The following RABGAP1L variants were observed in gnomAD, a reference collection of about 807,000 sequenced individuals.
The protein encoded by RABGAP1L is RAB GTPase activating protein 1 like, also known as rab GTPase-activating protein 1-like.
In RABGAP1L, 63 loss-of-function variants were observed where a neutral mutation model predicts 137.7. The observed-to-expected ratio is 0.46, with a 90% CI of 0.37 to 0.56. The LOEUF (loss-of-function observed/expected upper bound fraction) is 0.56, where lower values mean the gene tolerates loss of function less well. Ranked by LOEUF, RABGAP1L falls within the 20% of genes least tolerant of loss-of-function variation. The pLI, the probability that RABGAP1L is intolerant of heterozygous loss-of-function variation, is 0.00. For missense variants in RABGAP1L, 1,095 were observed against 1,244.0 expected (o/e 0.88, Z 1.80); for synonymous variants, 431 against 433.7 (o/e 0.99, Z 0.08).
chr1:174,461,083 T>G (rs1656635465), intron 13 of RABGAP1L, among the ~76,000 whole-genome samples: 1 of 152,198 alleles, frequency 6.6e-6, no homozygotes, highest in African/African-American at 2.4e-5. Flanking sequence ...TCTTCAGCAT[T>G]GTCTGTTTCA....
intron 3 of RABGAP1L, among the ~76,000 whole-genome samples, chr1:174,228,063 C>A (rs1332283435): frequency 6.6e-6 from 1 of 151,912 alleles, no homozygotes; most frequent in Non-Finnish European, 1.5e-5. Context: ...TGTATTTTTT[C>A]AGCTCTAGAA....
At chr1:174,619,269 G>A (rs1208517477) in intron 13 of RABGAP1L, among the ~76,000 whole-genome samples, 1 of 152,136 alleles carries the variant, frequency 6.6e-6, no homozygotes, top group African/African-American at 2.4e-5. Context: ...GCAACATTCA[G>A]ATTCAGGAAA....
At chr1:174,880,096 A>G (rs1272515280) in intron 19 of RABGAP1L, among the ~76,000 whole-genome samples, 3 of 151,892 alleles carry the variant, frequency 2.0e-5, no homozygotes, top group African/African-American at 4.8e-5. Context: ...AAACACCATA[A>G]TATCTTTCTG....
rs1441002979 is a variant in RABGAP1L at position 174,543,914 on chromosome 1, A to G, written c.1711-93461A>G. On this transcript the variant is annotated intron_variant, in intron 13 of 25. Transcript: ENST00000681986. Reference sequence around the variant, plus strand: ...AAATTCTTTTCTTTAAGAATGTTGAATATTGTCCCCCACTGTCTTCTGGCT... The same window carrying G: ...AAATTCTTTTCTTTAAGAATGTTGAGTATTGTCCCCCACTGTCTTCTGGCT... Among the ~76,000 whole-genome samples, 3 of 152,314 alleles carry G rather than the reference A, an allele frequency of 2.0e-5. 1 individual carries two copies. Among genetic ancestry groups the G allele is most frequent in the African/African-American group, 7.2e-5 (3 of 41,580 alleles).
chr1:174,411,077 G>C (rs1649871595), intron 13 of RABGAP1L, among the ~76,000 whole-genome samples: 1 of 152,064 alleles, frequency 6.6e-6, no homozygotes, highest in Non-Finnish European at 1.5e-5. Context: ...ACTGATTTTT[G>C]TGTGCTGATT....
intron 18 of RABGAP1L, among the ~76,000 whole-genome samples, chr1:174,778,236 C>G (rs1686689483): frequency 6.6e-6 from 1 of 152,018 alleles, no homozygotes; most frequent in African/African-American, 2.4e-5. Flanking sequence ...AGAAACAGTG[C>G]CAGCAATAAG....
chr1:174,632,920 G>T (rs940168917), intron 13 of RABGAP1L, among the ~76,000 whole-genome samples: 1 of 151,998 alleles, frequency 6.6e-6, no homozygotes, highest in South Asian at 2.1e-4. Context: ...ATCCGGCTTT[G>T]TTCCGTTGCT....
chr1:174,973,602 C>A (rs1243219728), intron 21 of RABGAP1L, among the ~76,000 whole-genome samples: 1 of 152,030 alleles, frequency 6.6e-6, no homozygotes, highest in Non-Finnish European at 1.5e-5. Flanking sequence ...CCAGGCTGAT[C>A]CCGAACTCCT....
At chr1:174,828,066 C>T (rs1359303051) in intron 19 of RABGAP1L, among the ~76,000 whole-genome samples, 1 of 148,082 alleles carries the variant, frequency 6.8e-6, no homozygotes, top group Admixed American at 6.7e-5. Flanking sequence ...AAACTTTTGT[C>T]CCTAAATTTT....
chr1:174,346,852 G>A (rs577808284), intron 11 of RABGAP1L, among the ~76,000 whole-genome samples: 5 of 151,836 alleles, frequency 3.3e-5, no homozygotes, highest in African/African-American at 9.7e-5. Context: ...TGATGTAGGT[G>A]CTTATAGCTA....
intron 18 of RABGAP1L, among the ~76,000 whole-genome samples, chr1:174,776,622 G>T (rs1389952843): frequency 2.0e-5 from 3 of 152,144 alleles, no homozygotes; most frequent in Non-Finnish European, 1.5e-5. Context: ...CAGGTCTAAA[G>T]ATTTCTTCTA....
intron 19 of RABGAP1L, among the ~76,000 whole-genome samples, chr1:174,816,360 A>C (rs1690409902): frequency 6.6e-6 from 1 of 151,954 alleles, no homozygotes; most frequent in Non-Finnish European, 1.5e-5. Flanking sequence ...CCATCAGGCT[A>C]GTCTCATACT....
chr1:174,548,386 TTAAAAC>T (rs1259628864), intron 13 of RABGAP1L: 1 of 1,005,192 alleles, frequency 9.9e-7, no homozygotes, highest in African/African-American at 1.7e-5. Flanking sequence ...TACCATATAT[TTAAAAC>T]TATAAGTGGA....
chr1:174,452,080 T>G (rs1170950710), intron 13 of RABGAP1L, among the ~76,000 whole-genome samples: 2 of 152,212 alleles, frequency 1.3e-5, no homozygotes, highest in Non-Finnish European at 2.9e-5. Context: ...TATTTTAATG[T>G]GTTTGTATAA....
At chr1:174,818,077 A>C (rs745440304) in intron 19 of RABGAP1L, among the ~76,000 whole-genome samples, 1 of 152,256 alleles carries the variant, frequency 6.6e-6, no homozygotes, top group African/African-American at 2.4e-5. Context: ...TAAATATCCA[A>C]TAGGCAGGTG....
chr1:174,876,987 C>G (rs560599931), intron 19 of RABGAP1L, among the ~76,000 whole-genome samples: 1 of 151,526 alleles, frequency 6.6e-6, no homozygotes, highest in Non-Finnish European at 1.5e-5. Context: ...TCTAAGATTA[C>G]GAAAAAATAA....
intron 1 of RABGAP1L, among the ~76,000 whole-genome samples, chr1:174,171,825 A>C (rs1343405034): frequency 6.6e-6 from 1 of 152,230 alleles, no homozygotes; most frequent in African/African-American, 2.4e-5. Flanking sequence ...AAATGGTGAA[A>C]ACCCGTCTCT....
chr1:174,293,196 C>T (rs1170048437), intron 10 of RABGAP1L, among the ~76,000 whole-genome samples: 1 of 151,710 alleles, frequency 6.6e-6, no homozygotes, highest in Non-Finnish European at 1.5e-5. Context: ...TCCTTACTTG[C>T]ACCATCTTGA....
At chr1:174,680,602 T>C (rs542874564) in intron 14 of RABGAP1L, among the ~76,000 whole-genome samples, 2 of 152,268 alleles carry the variant, frequency 1.3e-5, no homozygotes, top group African/African-American at 4.8e-5. Context: ...CCAACAATAA[T>C]GAGATGAACA....
Sources: gnomAD v4.1 joint callset for allele counts (sites outside exome capture counted in the v4.1 genomes callset) on GRCh38, gnomAD v4.1.1 for gene constraint, MANE v1.5 for transcripts, NCBI Gene and HGNC (gene_info 2026-07-23, HGNC 2026-07-21) for gene names.